Variants in TXLNB observed in about 807,000 individuals in gnomAD.
The protein encoded by TXLNB is beta-taxilin.
A neutral mutation model predicts 57.4 loss-of-function variants in TXLNB; 37 were observed. The ratio of observed to expected loss-of-function variants is 0.64; its 90% CI spans 0.50 to 0.85. The LOEUF is 0.85. Ranked by LOEUF, TXLNB falls within the 40% of genes least tolerant of loss-of-function variation. The probability of loss-of-function intolerance (pLI) is 0.00; values close to 1 mark genes in which losing one functional copy is unlikely to be tolerated. For synonymous variants in TXLNB, 302 were observed against 309.6 expected, an observed-to-expected ratio of 0.98 and a Z score of 0.26; for missense variants, 848 against 825.6, an observed-to-expected ratio of 1.03 and a Z score of -0.33.
the TXLNB span, among the ~76,000 whole-genome samples, chr6:139,191,302 C>T: frequency 4.6e-5 from 7 of 152,158 alleles, no homozygotes; most frequent in African/African-American, 1.4e-4. Context: ...CCTGTAATCC[C>T]GGCTATTTGG....
the TXLNB span, among the ~76,000 whole-genome samples, chr6:139,218,544 G>A: frequency 2.0e-5 from 3 of 152,158 alleles, no homozygotes; most frequent in African/African-American, 4.8e-5. Context: ...TCTGAGGTCA[G>A]GAGTTCGAGA....
chr6:139,242,041 A>G lies in TXLNB; in HGVS notation c.*485T>C, dbSNP rs1052023798. On this transcript the variant is annotated 3_prime_UTR_variant, in exon 10 of 10. Coordinates refer to ENST00000358430, the MANE Select transcript of TXLNB (RefSeq NM_153235.4). ...TATTCACACATCTATACATACGTGT[A>G]TATATACATATAATAAGTACACACG... 8.3e-6 allele frequency: 1 copy of G among 120,792 alleles called. No individual in the cohort carries two copies. Among genetic ancestry groups the G allele is most frequent in the African/African-American group, 5.3e-5 (1 of 19,012 alleles). The allele number at this position is 120,792 out of a possible 1,614,324, so 7.5% of individuals were successfully genotyped here. A position where few individuals can be genotyped will look rare whatever the true frequency, so the allele number is the denominator to read the frequency against.
chr6:139,314,492 A>G, the TXLNB span, among the ~76,000 whole-genome samples: 7 of 152,222 alleles, frequency 4.6e-5, no homozygotes, highest in African/African-American at 1.4e-4. Context: ...GACGAAGCCA[A>G]TGTCTACCTT....
At chr6:139,302,836 C>T in the TXLNB span, among the ~76,000 whole-genome samples, 1 of 151,680 alleles carries the variant, frequency 6.6e-6, no homozygotes, top group Non-Finnish European at 1.5e-5. Context: ...AAGGTAACTA[C>T]ATTTATATTG....
At chr6:139,167,484 C>G in the TXLNB span, among the ~76,000 whole-genome samples, 7 of 152,144 alleles carry the variant, frequency 4.6e-5, no homozygotes, top group African/African-American at 1.7e-4. Context: ...CCCAGTGACG[C>G]GGTGATTTTT....
At chr6:139,168,414 T>C in the TXLNB span, among the ~76,000 whole-genome samples, 1 of 150,822 alleles carries the variant, frequency 6.6e-6, no homozygotes, top group Non-Finnish European at 1.5e-5. Context: ...TTGATTATTT[T>C]GATTTGCATA....
chr6:139,283,979 T>C (rs145053179), intron 2 of TXLNB, among the ~76,000 whole-genome samples: 1 of 145,860 alleles, frequency 6.9e-6, no homozygotes, highest in African/African-American at 2.5e-5. Context: ...GTTTATATTT[T>C]CTCCAAAAGA....
At chr6:139,217,595 G>A in the TXLNB span, among the ~76,000 whole-genome samples, 2 of 152,094 alleles carry the variant, frequency 1.3e-5, no homozygotes, top group Non-Finnish European at 2.9e-5. Flanking sequence ...TAGGCTGGGC[G>A]TGGCGGCTCA....
At chr6:139,174,723 A>G in the TXLNB span, 8 of 774,358 alleles carry the variant, frequency 1.0e-5, no homozygotes, top group Non-Finnish European at 1.5e-5. Flanking sequence ...ACTGTAGAAT[A>G]ATATATAATT....
rs375134328 is a variant in TXLNB at position 139,278,989 on chromosome 6, C to T, written c.425-2068G>A. Among the ~76,000 whole-genome samples, 12 of 152,198 alleles carry T rather than the reference C, an allele frequency of 7.9e-5. No individual in the cohort carries two copies. In the South Asian group the frequency reaches 1.9e-3, roughly 24 times the overall value. On this transcript the variant is annotated intron_variant, in intron 2 of 9. Transcript: ENST00000358430. ...ACTGCACTCCACTGCAAAAAACAAA[C>T]GAACAAATAAAAAAATCAAAGCCAA...
In TXLNB at chr6:139,241,684, C is replaced by T. The variant is rs1435410512; in HGVS notation, c.*842G>A. Reference sequence around the variant, plus strand: ...TGTTTCTCTTTTCTGTTTTGGGCCCCTTGTGGTCATCTTTGTGTCCATGCT... The same window carrying T: ...TGTTTCTCTTTTCTGTTTTGGGCCCTTTGTGGTCATCTTTGTGTCCATGCT... On this transcript the variant is annotated 3_prime_UTR_variant, in exon 10 of 10. Coordinates refer to ENST00000358430, the MANE Select transcript of TXLNB (RefSeq NM_153235.4). 6.6e-6 allele frequency: 1 copy of T among 152,216 alleles called. No homozygotes were observed. The highest frequency in any genetic ancestry group is 1.5e-5 in the Non-Finnish European group (1 of 68,056). 9.4% of individuals were successfully genotyped at this position (152,216 alleles called of 1,614,324 possible). A position where few individuals can be genotyped will look rare whatever the true frequency, so the allele number is the denominator to read the frequency against.
chr6:139,317,512 G>A, the TXLNB span, among the ~76,000 whole-genome samples: 1 of 151,728 alleles, frequency 6.6e-6, no homozygotes, highest in Admixed American at 6.6e-5. Context: ...CCATTCTCCT[G>A]CCTCAGCATC....
At chr6:139,282,298 CG>C (rs2114618119) in intron 2 of TXLNB, among the ~76,000 whole-genome samples, 1 of 147,032 alleles carries the variant, frequency 6.8e-6, no homozygotes, top group Admixed American at 6.7e-5. Flanking sequence ...GACTAGGGGC[CG>C]GGCGCGGTGG....
At chr6:139,316,910 G>T in the TXLNB span, among the ~76,000 whole-genome samples, 7 of 152,172 alleles carry the variant, frequency 4.6e-5, no homozygotes, top group Non-Finnish European at 7.4e-5. Context: ...GGAGGCAAAG[G>T]TTGGAGTTCA....
At chr6:139,290,095 T>C (rs1358313893) in intron 1 of TXLNB, among the ~76,000 whole-genome samples, 1 of 152,154 alleles carries the variant, frequency 6.6e-6, no homozygotes, top group Non-Finnish European at 1.5e-5. Context: ...CAAAGTAGTA[T>C]GGAAACACGG....
the TXLNB span, among the ~76,000 whole-genome samples, chr6:139,187,755 C>T: frequency 6.6e-6 from 1 of 152,126 alleles, no homozygotes; most frequent in Non-Finnish European, 1.5e-5. Flanking sequence ...CTTTACAAAG[C>T]AATTTAGAGG....
the TXLNB span, among the ~76,000 whole-genome samples, chr6:139,234,724 G>A: frequency 2.0e-5 from 3 of 152,260 alleles, no homozygotes; most frequent in African/African-American, 7.2e-5. Flanking sequence ...GAAGAAAAAT[G>A]TGGGGTCAGA....
chr6:139,241,703 C>T lies in TXLNB; in HGVS notation c.*823G>A, dbSNP rs1417874345. The T allele has an allele frequency of 2.0e-5, 3 of 152,226 alleles. No homozygotes were observed. The highest frequency in any genetic ancestry group is 7.2e-5 in the African/African-American group (3 of 41,452). 9.4% of individuals were successfully genotyped at this position (152,226 alleles called of 1,614,324 possible). On this transcript the variant is annotated 3_prime_UTR_variant, in exon 10 of 10. Coordinates refer to ENST00000358430, the MANE Select transcript of TXLNB (RefSeq NM_153235.4). ...GGGCCCCTTGTGGTCATCTTTGTGTCCATGCTGTCTGCACAGATTGTAGTC... is the reference window on the plus strand; with the variant it reads ...GGGCCCCTTGTGGTCATCTTTGTGTTCATGCTGTCTGCACAGATTGTAGTC...
chr6:139,267,116 A>G lies in TXLNB; in HGVS notation c.687+3340T>C, dbSNP rs374616650. ...TACCAGCAGATTTGTACTATAAGAA[A>G]TACTAAAAGAAGTACTTCAGGCTGA... On this transcript the variant is annotated intron_variant, in intron 4 of 9. Coordinates refer to ENST00000358430, the MANE Select transcript of TXLNB (RefSeq NM_153235.4). Among the ~76,000 whole-genome samples, 9 of 152,306 alleles carry G rather than the reference A, an allele frequency of 5.9e-5. No individual in the cohort carries two copies. The East Asian group carries it at 1.7e-3, about 29-fold the overall frequency.
Sources: allele counts gnomAD v4.1 joint callset (sites outside exome capture counted in the v4.1 genomes callset), GRCh38; gene constraint gnomAD v4.1.1; transcripts MANE v1.5; gene names NCBI Gene and HGNC (gene_info 2026-07-23, HGNC 2026-07-21).